The following CRIM1 variants were observed in gnomAD, a reference collection of about 807,000 sequenced individuals.
The protein encoded by CRIM1 is cysteine rich transmembrane BMP regulator 1.
In CRIM1, 32 loss-of-function variants were observed where a neutral mutation model predicts 116.4. The observed-to-expected ratio is 0.27, with a 90% confidence interval of 0.21 to 0.37. The LOEUF is 0.37. CRIM1 is among the 10% of genes least tolerant of loss of function. The pLI, the probability that CRIM1 is intolerant of heterozygous loss-of-function variation, is 1.00. For missense variants in CRIM1, 1,331 were observed against 1,354.8 expected (o/e 0.98, Z 0.28); for synonymous variants, 590 against 509.2 (o/e 1.16, Z -2.13).
At position 36,550,450 on chromosome 2, in the gene CRIM1, G is replaced by A. The variant is rs1667689764; in HGVS notation, c.*1749G>A. ...TTGTTGTGAAAGACACAGATACCCAGTATGCTTAACGTGAAAAGAAAATGT... is the reference window on the plus strand; with the variant it reads ...TTGTTGTGAAAGACACAGATACCCAATATGCTTAACGTGAAAAGAAAATGT... On this transcript the variant is annotated 3_prime_UTR_variant, in exon 17 of 17. Transcript: ENST00000280527. 1 of 152,404 alleles carries A rather than the reference G, an allele frequency of 6.6e-6. No homozygotes were observed. The highest frequency in any genetic ancestry group is 1.5e-5 in the Non-Finnish European group (1 of 67,980). The allele number at this position is 152,404 out of a possible 1,614,324, so 9.4% of individuals were successfully genotyped here. A position where few individuals can be genotyped will look rare whatever the true frequency, so the allele number is the denominator to read the frequency against.
At chr2:36,387,260 G>A (rs187663918) in intron 1 of CRIM1, among the ~76,000 whole-genome samples, 8 of 152,314 alleles carry the variant, frequency 5.3e-5, no homozygotes, top group Non-Finnish European at 8.8e-5. Context: ...TGTCTTTTTA[G>A]AGTATCCTGA....
At chr2:36,450,040 C>CT (rs1011663298) in intron 4 of CRIM1, among the ~76,000 whole-genome samples, 8 of 149,276 alleles carry the variant, frequency 5.4e-5, no homozygotes, top group Non-Finnish European at 7.5e-5. Flanking sequence ...GTTAGTTAAC[C>CT]TTTTTTTTTT....
chr2:36,471,697 A>G (rs1235601838), intron 5 of CRIM1, among the ~76,000 whole-genome samples: 1 of 151,504 alleles, frequency 6.6e-6, no homozygotes, highest in East Asian at 1.9e-4. Flanking sequence ...TGTAAAATAC[A>G]CTAACACTAA....
intron 1 of CRIM1, among the ~76,000 whole-genome samples, chr2:36,395,983 T>C (rs754474962): frequency 6.6e-6 from 1 of 152,192 alleles, no homozygotes; most frequent in Non-Finnish European, 1.5e-5. Context: ...CGGAATGCAG[T>C]GGCGTGATCA....
intron 12 of CRIM1, among the ~76,000 whole-genome samples, chr2:36,521,187 G>A (rs1052610616): frequency 2.6e-5 from 4 of 152,070 alleles, no homozygotes; most frequent in African/African-American, 9.7e-5. Flanking sequence ...TGGATTTTCT[G>A]GTGACATTTT....
intron 13 of CRIM1, chr2:36,532,119 G>A (rs1265114680): frequency 7.8e-6 from 3 of 386,456 alleles, no homozygotes; most frequent in Non-Finnish European, 1.6e-5. Flanking sequence ...AAACCAAGGT[G>A]TAACTGTGAA....
intron 2 of CRIM1, among the ~76,000 whole-genome samples, chr2:36,419,863 G>A (rs746654209): frequency 4.6e-5 from 7 of 152,176 alleles, no homozygotes; most frequent in Non-Finnish European, 7.3e-5. Flanking sequence ...ATATTCAGTG[G>A]TGACATTCAG....
At position 36,475,664 on chromosome 2, in the gene CRIM1, A is replaced by G. The variant is rs999403780; in HGVS notation, c.992-1225A>G. On this transcript the variant is annotated intron_variant, in intron 5 of 16. Transcript: ENST00000280527. ...ACCTCATTGTCTTGTTCCTGATCTTAGGGGGAAAGCACTTGGACTTTTGCC... is the reference window on the plus strand; with the variant it reads ...ACCTCATTGTCTTGTTCCTGATCTTGGGGGGAAAGCACTTGGACTTTTGCC... 7.9e-5 allele frequency among the ~76,000 whole-genome samples: 12 copies of G among 152,192 alleles called. 1 individual carries two copies. Among genetic ancestry groups the G allele is most frequent in the South Asian group, 2.1e-4 (1 of 4,830 alleles).
chr2:36,417,694 G>A (rs1317938236), intron 2 of CRIM1, among the ~76,000 whole-genome samples: 3 of 152,180 alleles, frequency 2.0e-5, no homozygotes, highest in Non-Finnish European at 4.4e-5. Context: ...AGGTTTAAAT[G>A]CAGTGAGCAT....
chr2:36,546,583 TTTGCCAATAAATCAGCTA>T (rs1667349116), intron 15 of CRIM1, among the ~76,000 whole-genome samples: 1 of 152,106 alleles, frequency 6.6e-6, no homozygotes, highest in Non-Finnish European at 1.5e-5. Context: ...TAGTCTCCTG[TTTGCCAATAAATCAGCTA>T]ATGTTTCTCC....
intron 1 of CRIM1, among the ~76,000 whole-genome samples, chr2:36,371,230 GC>G (rs1325236700): frequency 6.6e-6 from 1 of 152,050 alleles, no homozygotes; most frequent in Admixed American, 6.6e-5. Flanking sequence ...TTCCTGCCCT[GC>G]CCAGGAAAAA....
intron 14 of CRIM1, among the ~76,000 whole-genome samples, chr2:36,540,665 G>C (rs1442031820): frequency 1.3e-5 from 2 of 150,102 alleles, no homozygotes; most frequent in Non-Finnish European, 3.0e-5. Context: ...GGAATGGGGA[G>C]GCTTATTTTT....
In CRIM1 at chr2:36,549,514, G is replaced by A. The variant is rs1489919552; in HGVS notation, c.*813G>A. The A allele has an allele frequency of 6.6e-6, 1 of 152,276 alleles. No individual in the cohort carries two copies. Among genetic ancestry groups the A allele is most frequent in the Non-Finnish European group, 1.5e-5 (1 of 67,950 alleles). 9.4% of individuals were successfully genotyped at this position (152,276 alleles called of 1,614,324 possible). On this transcript the variant is annotated 3_prime_UTR_variant, in exon 17 of 17. Coordinates refer to ENST00000280527, the MANE Select transcript of CRIM1 (RefSeq NM_016441.3). ...ACGTGACAGGAAGAGGAGGGAGAGG[G>A]TGACGAACACCAGGCATTTCCAGGG...
rs1017025770 is a variant in CRIM1 at position 36,356,246 on chromosome 2, C to T, written c.-47C>T. On this transcript the variant is annotated 5_prime_UTR_variant, in exon 1 of 17. Coordinates refer to ENST00000280527, the MANE Select transcript of CRIM1 (RefSeq NM_016441.3). This position sits in a 1 kb window ranked among gnomAD's most constrained non-coding sequence, Gnocchi z 4.3. ...CCCCGCGCAGGGGAGGGCGCCCGCCCCGCTCCCGGCCCGGCTGCGAGGAGG... is the reference window on the plus strand; with the variant it reads ...CCCCGCGCAGGGGAGGGCGCCCGCCTCGCTCCCGGCCCGGCTGCGAGGAGG... 7.2e-5 allele frequency: 86 copies of T among 1,186,720 alleles called. 1 individual carries two copies. The highest frequency in any genetic ancestry group is 1.5e-4 in the South Asian group (8 of 52,958). 73.5% of individuals were successfully genotyped at this position (1,186,720 alleles called of 1,614,324 possible). A position where few individuals can be genotyped will look rare whatever the true frequency, so the allele number is the denominator to read the frequency against.
At chr2:36,379,961 A>C in intron 1 of CRIM1, among the ~76,000 whole-genome samples, 1 of 151,644 alleles carries the variant, frequency 6.6e-6, no homozygotes, top group South Asian at 2.1e-4. Context: ...GTTGAAGTAC[A>C]GTTGATAGAC....
chr2:36,481,464 T>C (rs192578454), intron 7 of CRIM1, among the ~76,000 whole-genome samples: 1 of 152,126 alleles, frequency 6.6e-6, no homozygotes, highest in Non-Finnish European at 1.5e-5. Flanking sequence ...TTTGAAAAAA[T>C]TAAGAACCTC....
chr2:36,479,468 T>C (rs1228130665), intron 6 of CRIM1, 29 bp from the exon 7 acceptor site: 2 of 1,608,934 alleles, frequency 1.2e-6, no homozygotes, highest in Non-Finnish European at 1.7e-6. Flanking sequence ...AGATGCTCAG[T>C]CTAACTCTGA....
intron 2 of CRIM1, among the ~76,000 whole-genome samples, chr2:36,430,576 A>G (rs1286485099): frequency 6.6e-6 from 1 of 152,180 alleles, no homozygotes; most frequent in Non-Finnish European, 1.5e-5. Flanking sequence ...GGATACCCAA[A>G]GGACACAAAC....
In CRIM1 at chr2:36,479,645, C is replaced by G. The variant is rs138940127; in HGVS notation, c.1323C>G (p.Thr441=). The part of the protein sequence containing the change: ...RHCVATVCGQ[T]CTNPVKVPGE... ...GCGTTGCGACCGTCTGCGGACAGAC[C>G]TGCACAAACCCTGTGAAAGTGCCTG... is the stretch of plus-strand genomic sequence containing the variant. Residue 441 remains threonine, a synonymous_variant, in exon 7 of 17, where the codon ACC becomes ACG. Coordinates refer to ENST00000280527, the MANE Select transcript of CRIM1 (RefSeq NM_016441.3). 6.5e-3 allele frequency: 10,481 copies of G among 1,614,222 alleles called. 48 individuals are homozygous for G. The highest frequency in any genetic ancestry group is 8.1e-3 in the Non-Finnish European group (9,536 of 1,180,024).
Sources: allele counts gnomAD v4.1 joint callset (sites outside exome capture counted in the v4.1 genomes callset), GRCh38; gene constraint gnomAD v4.1.1; non-coding constraint Gnocchi (gnomAD v3.1); transcripts MANE v1.5; gene names NCBI Gene and HGNC (gene_info 2026-07-23, HGNC 2026-07-21).